Variants in EVA1A observed in about 807,000 individuals in gnomAD.
The protein encoded by EVA1A is eva-1 homolog A, regulator of programmed cell death.
A neutral mutation model predicts 9.8 loss-of-function variants in EVA1A; 7 were observed. That is an observed-to-expected ratio of 0.71 (90% CI 0.41 to 1.34). The LOEUF (loss-of-function observed/expected upper bound fraction) is 1.34. Among genes scored for constraint, EVA1A ranks in the 40% most tolerant of loss-of-function variants. The probability of loss-of-function intolerance (pLI) is 0.01; values close to 1 mark genes in which losing one functional copy is unlikely to be tolerated. For missense variants in EVA1A, 206 were observed against 205.9 expected, an observed-to-expected ratio of 1.00 and a Z score of 0.00; for synonymous variants, 90 against 85.6, an observed-to-expected ratio of 1.05 and a Z score of -0.28.
At chr2:75,503,694 T>A (rs1447143134) in intron 3 of EVA1A, among the ~76,000 whole-genome samples, 2 of 152,140 alleles carry the variant, frequency 1.3e-5, no homozygotes, top group Non-Finnish European at 2.9e-5. Context: ...CATGTTTTCA[T>A]TTAAATGTGA....
chr2:75,568,324 T>G (rs1677062754), intron 1 of EVA1A, among the ~76,000 whole-genome samples: 1 of 150,378 alleles, frequency 6.6e-6, no homozygotes, highest in Admixed American at 6.6e-5. Flanking sequence ...ATAATTATTA[T>G]TAAATAATTA....
chr2:75,545,311 T>C (rs1035749635), intron 1 of EVA1A, among the ~76,000 whole-genome samples: 12 of 152,346 alleles, frequency 7.9e-5, no homozygotes, highest in Middle Eastern at 3.4e-3. Flanking sequence ...AAATGCTTTT[T>C]GAATTAATCA....
intron 1 of EVA1A, among the ~76,000 whole-genome samples, chr2:75,547,676 C>T (rs949560512): frequency 1.3e-5 from 2 of 152,110 alleles, no homozygotes; most frequent in Non-Finnish European, 2.9e-5. Context: ...TGGAGCACAC[C>T]ACAAACCATT....
chr2:75,510,425 T>G (rs2160102), intron 3 of EVA1A, among the ~76,000 whole-genome samples: 68,476 of 151,992 alleles, frequency 0.45, 16,974 homozygotes, highest in African/African-American at 0.67. Flanking sequence ...GTATAAAGGG[T>G]AATGAGAAAA....
chr2:75,507,833 C>T (rs1674671047), intron 3 of EVA1A, among the ~76,000 whole-genome samples: 1 of 152,176 alleles, frequency 6.6e-6, no homozygotes, highest in Admixed American at 6.5e-5. Flanking sequence ...GGGGCTCAGC[C>T]CTCCCAGTAA....
At chr2:75,560,021 G>A (rs1262682419) in intron 1 of EVA1A, among the ~76,000 whole-genome samples, 1 of 152,148 alleles carries the variant, frequency 6.6e-6, no homozygotes, top group Non-Finnish European at 1.5e-5. Flanking sequence ...CGTACTGCGT[G>A]CCAACACCTC....
intron 1 of EVA1A, among the ~76,000 whole-genome samples, chr2:75,537,893 T>C (rs1325573201): frequency 6.6e-6 from 1 of 152,248 alleles, no homozygotes. Context: ...GCTGATGCTA[T>C]GCTTGTACAG....
intron 3 of EVA1A, among the ~76,000 whole-genome samples, chr2:75,510,417 A>G (rs1051804139): frequency 6.6e-6 from 1 of 152,310 alleles, no homozygotes; most frequent in African/African-American, 2.4e-5. Context: ...GATTCACAGT[A>G]TAAAGGGTAA....
chr2:75,541,281 T>C (rs933852192), intron 1 of EVA1A, among the ~76,000 whole-genome samples: 5 of 152,218 alleles, frequency 3.3e-5, no homozygotes, highest in East Asian at 1.9e-4. Flanking sequence ...TTTCAGACTC[T>C]AGATTCTGTC....
At chr2:75,557,028 T>C in intron 1 of EVA1A, among the ~76,000 whole-genome samples, 1 of 152,166 alleles carries the variant, frequency 6.6e-6, no homozygotes, top group East Asian at 1.9e-4. Context: ...ACTAGAATGT[T>C]TCCCTGGCCC....
chr2:75,505,310 C>T (rs1351936119), intron 3 of EVA1A, among the ~76,000 whole-genome samples: 1 of 152,136 alleles, frequency 6.6e-6, no homozygotes, highest in Non-Finnish European at 1.5e-5. Context: ...AGTTATATAA[C>T]CATTATCTTT....
At position 75,547,694 on chromosome 2, in the gene EVA1A, A is replaced by C. The variant is rs184892408; in HGVS notation, c.-192+12986T>G. 3.3e-4 allele frequency among the ~76,000 whole-genome samples: 51 copies of C among 152,318 alleles called. 1 individual carries two copies. Among genetic ancestry groups the C allele is most frequent in the Non-Finnish European group, 8.8e-5 (6 of 68,022 alleles). ...AGCACACCACAAACCATTTCTCCCC[A>C]TCGTCCCTTCCTTAAGTTCCCTGAA... On this transcript the variant is annotated intron_variant, in intron 1 of 3. Transcript: ENST00000393913.
intron 1 of EVA1A, among the ~76,000 whole-genome samples, chr2:75,537,052 T>C (rs1409348351): frequency 6.6e-6 from 1 of 151,946 alleles, no homozygotes; most frequent in African/African-American, 2.4e-5. Context: ...ATAAAAACAA[T>C]CCTTAGCACA....
intron 1 of EVA1A, among the ~76,000 whole-genome samples, chr2:75,528,078 G>A (rs1316284158): frequency 1.3e-5 from 2 of 152,204 alleles, no homozygotes; most frequent in East Asian, 1.9e-4. Flanking sequence ...AGTGGGAAGT[G>A]CCCTGTAGGC....
chr2:75,539,478 T>C (rs1398856599), intron 1 of EVA1A, among the ~76,000 whole-genome samples: 1 of 152,194 alleles, frequency 6.6e-6, no homozygotes, highest in Non-Finnish European at 1.5e-5. Context: ...AAAACGAGGC[T>C]AATGATTCCC....
chr2:75,555,339 C>CCT (rs1437140146), intron 1 of EVA1A, among the ~76,000 whole-genome samples: 1 of 137,172 alleles, frequency 7.3e-6, no homozygotes, highest in Admixed American at 7.4e-5. Flanking sequence ...CTCTCTCTCC[C>CCT]CCATCTCCCC....
intron 1 of EVA1A, among the ~76,000 whole-genome samples, chr2:75,559,169 G>C (rs1676826165): frequency 6.6e-6 from 1 of 152,152 alleles, no homozygotes; most frequent in South Asian, 2.1e-4. Context: ...GAAGCGGAGT[G>C]GGGGAGGGGG....
At position 75,549,006 on chromosome 2, in the gene EVA1A, ATATTTTTTT is replaced by A. The variant is rs1477113096; in HGVS notation, c.-192+11665_-192+11673del. Among the ~76,000 whole-genome samples the A allele has an allele frequency of 1.8e-4, 23 of 126,238 alleles. No individual in the cohort carries two copies. In the South Asian group the frequency reaches 5.2e-3, roughly 29 times the overall value. 82.8% of individuals were successfully genotyped at this position (126,238 alleles called of 152,430 possible). On this transcript the variant is annotated intron_variant, in intron 1 of 3. Transcript: ENST00000393913. ...AAAATATATATATATATATATATAT[ATATTTTTTT>A]TTTTTTTACTAATAAATCAAATACA...
At chr2:75,546,870 T>C (rs1007186769) in intron 1 of EVA1A, among the ~76,000 whole-genome samples, 1 of 137,244 alleles carries the variant, frequency 7.3e-6, no homozygotes, top group African/African-American at 2.8e-5. Flanking sequence ...ACAGCGAAGA[T>C]GATGTGAAAA....
Sources: allele counts gnomAD v4.1 joint callset (sites outside exome capture counted in the v4.1 genomes callset), GRCh38; gene constraint gnomAD v4.1.1; transcripts MANE v1.5; gene names NCBI Gene and HGNC (gene_info 2026-07-23, HGNC 2026-07-21).